Variants in MYO9A observed in about 807,000 individuals in gnomAD.
MYO9A encodes myosin IXA.
MYO9A carries 103 observed loss-of-function variants against 293.3 expected under a neutral mutation model. The observed-to-expected ratio is 0.35, with a 90% CI of 0.30 to 0.41. The LOEUF (loss-of-function observed/expected upper bound fraction) is 0.41. MYO9A is among the 10% of genes least tolerant of loss of function. The pLI is 1.00. For synonymous variants in MYO9A, 1,001 were observed against 1,035.7 expected (o/e 0.97, Z 0.64); for missense variants, 2,685 against 3,033.0 (o/e 0.89, Z 2.69).
rs1023646482 is a variant in MYO9A at position 71,824,428 on chromosome 15, T to G, written c.*2152A>C. On this transcript the variant is annotated 3_prime_UTR_variant, in exon 42 of 42. Transcript: ENST00000356056. ...CTCTGGGCCACAGGAAATTATTCCA[T>G]AAGGGCAATCTCTTTTTTTCATACA... is the stretch of plus-strand genomic sequence containing the variant. 2.6e-5 allele frequency: 4 copies of G among 152,142 alleles called. No individual in the cohort carries two copies. Among genetic ancestry groups the G allele is most frequent in the African/African-American group, 9.7e-5 (4 of 41,432 alleles). 9.4% of individuals were successfully genotyped at this position (152,142 alleles called of 1,614,324 possible).
chr15:72,116,801 CACACG>C (rs2080997112), intron 1 of MYO9A: 1 of 152,092 alleles, frequency 6.6e-6, no homozygotes, highest in Admixed American at 6.5e-5. Context: ...TGGACAACCT[CACACG>C]TTCTACACAG....
chr15:71,896,741 C>T (rs2057339863), intron 25 of MYO9A: 1 of 151,290 alleles, frequency 6.6e-6, no homozygotes, highest in Admixed American at 6.6e-5. Context: ...GATCACACCA[C>T]TGCACTCCAG....
chr15:72,105,196 A>G (rs2151007548), intron 1 of MYO9A, among the ~76,000 whole-genome samples: 1 of 152,308 alleles, frequency 6.6e-6, no homozygotes, highest in Non-Finnish European at 1.5e-5. Flanking sequence ...GTCACTTGGG[A>G]AAAACACTTT....
At chr15:71,924,243 T>G (rs1413873615) in intron 18 of MYO9A, among the ~76,000 whole-genome samples, 1 of 151,780 alleles carries the variant, frequency 6.6e-6, no homozygotes. Context: ...ATTATTATCA[T>G]TATTGTTATT....
chr15:71,900,036 G>C, intron 23 of MYO9A, 30 bp from the exon 24 acceptor site: 2 of 1,567,770 alleles, frequency 1.3e-6, no homozygotes, highest in South Asian at 2.3e-5. Context: ...ACAGAAACTG[G>C]TTGTCATATC....
At chr15:71,918,031 G>A (rs1367840310) in intron 18 of MYO9A, among the ~76,000 whole-genome samples, 1 of 151,866 alleles carries the variant, frequency 6.6e-6, no homozygotes, top group African/African-American at 2.4e-5. Context: ...TAAAAGAAAG[G>A]GCAAAGATTA....
At chr15:71,929,605 T>C (rs1439792438) in intron 18 of MYO9A, among the ~76,000 whole-genome samples, 2 of 152,250 alleles carry the variant, frequency 1.3e-5, no homozygotes, top group Non-Finnish European at 2.9e-5. Context: ...TTTGCATATA[T>C]TGAACCATTC....
At chr15:72,054,851 A>C (rs550118863) in intron 1 of MYO9A, among the ~76,000 whole-genome samples, 1 of 152,122 alleles carries the variant, frequency 6.6e-6, no homozygotes, top group African/African-American at 2.4e-5. Context: ...TTGGTAAGCA[A>C]GACTAAATGA....
chr15:71,912,658 C>T (rs1427684623), intron 19 of MYO9A, among the ~76,000 whole-genome samples: 1 of 152,128 alleles, frequency 6.6e-6, no homozygotes, highest in Non-Finnish European at 1.5e-5. Flanking sequence ...CATCATTTTT[C>T]TTCCATGTTT....
intron 1 of MYO9A, among the ~76,000 whole-genome samples, chr15:72,115,889 G>A (rs1388043192): frequency 6.6e-6 from 1 of 152,016 alleles, no homozygotes; most frequent in Non-Finnish European, 1.5e-5. Context: ...ATGTAACATT[G>A]TTGGTAAAAG....
intron 1 of MYO9A, among the ~76,000 whole-genome samples, chr15:72,052,378 C>G (rs1461674648): frequency 6.6e-6 from 1 of 152,228 alleles, no homozygotes; most frequent in Non-Finnish European, 1.5e-5. Context: ...CTCGATAAAG[C>G]TCCCCTTCAC....
chr15:71,956,942 A>C (rs2146855321), intron 14 of MYO9A, among the ~76,000 whole-genome samples: 1 of 150,788 alleles, frequency 6.6e-6, no homozygotes, highest in South Asian at 2.1e-4. Flanking sequence ...CATTTCTTTT[A>C]TGGCCAAATA....
intron 16 of MYO9A, among the ~76,000 whole-genome samples, chr15:71,937,516 GGTGT>G (rs1283396698): frequency 6.6e-6 from 1 of 152,018 alleles, no homozygotes; most frequent in African/African-American, 2.4e-5. Context: ...TTTTAATTAA[GGTGT>G]GTATGTATTT....
chr15:72,078,093 A>G (rs1222790712), intron 1 of MYO9A, among the ~76,000 whole-genome samples: 4 of 152,176 alleles, frequency 2.6e-5, no homozygotes, highest in African/African-American at 7.2e-5. Context: ...AAAATAGTAC[A>G]ACCACTTTTC....
At chr15:71,915,084 TA>T (rs1249185815) in intron 19 of MYO9A, among the ~76,000 whole-genome samples, 2 of 152,166 alleles carry the variant, frequency 1.3e-5, no homozygotes, top group East Asian at 3.8e-4. Flanking sequence ...GCTAATAAAC[TA>T]AAAAATTGTA....
intron 11 of MYO9A, among the ~76,000 whole-genome samples, chr15:71,978,836 G>T (rs537182588): frequency 4.7e-4 from 71 of 151,542 alleles, no homozygotes; most frequent in Non-Finnish European, 9.9e-4. Context: ...CGAGGTTCAG[G>T]TCTTGAGTAA....
At chr15:72,066,369 T>G (rs540952829) in intron 1 of MYO9A, among the ~76,000 whole-genome samples, 1 of 151,590 alleles carries the variant, frequency 6.6e-6, no homozygotes, top group Non-Finnish European at 1.5e-5. Flanking sequence ...GCCTCTAGTC[T>G]CAGCTACTCA....
rs2057588814 is a variant in MYO9A at position 71,904,982 on chromosome 15, T to C, written c.2710A>G (p.Thr904Ala). The change falls in exon 20 of 42, where the codon ACA (threonine) becomes GCA (alanine). Residue 904 changes from threonine (T) to alanine (A), a missense_variant. This residue lies in a region of MYO9A where 1,434 missense variants were observed against 1,497.7 expected (regional missense o/e 0.96). Coordinates refer to ENST00000356056, the MANE Select transcript of MYO9A (RefSeq NM_006901.4). ...AAATATGGTTCTGCTTGACCAAGTG[T>C]TTCCATTAGCTTGCTTAATGATGCC... ...FQASLSKLMETLGQAEPYFVK... is the reference protein window; with the variant it reads ...FQASLSKLMEALGQAEPYFVK... 1 of 1,605,276 alleles carries C rather than the reference T, an allele frequency of 6.2e-7. No homozygotes were observed. The highest frequency in any genetic ancestry group is 1.3e-5 in the African/African-American group (1 of 74,972).
chr15:71,990,524 G>T (rs1199639817), intron 11 of MYO9A, among the ~76,000 whole-genome samples: 1 of 152,070 alleles, frequency 6.6e-6, no homozygotes, highest in Non-Finnish European at 1.5e-5. Context: ...GGGAGGCTGA[G>T]GCGGGTGGAT....
Sources: allele counts gnomAD v4.1 joint callset (sites outside exome capture counted in the v4.1 genomes callset), GRCh38; gene constraint gnomAD v4.1.1; regional missense constraint gnomAD v4.1.1; transcripts MANE v1.5; gene names NCBI Gene and HGNC (gene_info 2026-07-23, HGNC 2026-07-21).